The following ASIC2 variants were observed in gnomAD, a reference collection of about 807,000 sequenced individuals.
The protein encoded by ASIC2 is acid-sensing ion channel 2.
A neutral mutation model predicts 57.3 loss-of-function variants in ASIC2; 25 were observed. That is an observed-to-expected ratio of 0.44 (90% CI 0.32 to 0.61). ASIC2 has a LOEUF of 0.61. ASIC2 is among the 20% of genes least tolerant of loss of function. ASIC2 has a pLI of 0.06. For missense variants in ASIC2, 641 were observed against 738.1 expected, an observed-to-expected ratio of 0.87 and a Z score of 1.52; for synonymous variants, 319 against 307.5, an observed-to-expected ratio of 1.04 and a Z score of -0.39.
At chr17:33,021,090 T>C (rs950839152) in intron 7 of ASIC2, 129 bp downstream of exon 7, 1 of 632,288 alleles carries the variant, frequency 1.6e-6, no homozygotes, top group Non-Finnish European at 2.7e-6. Flanking sequence ...GAGTAATTAT[T>C]AGTAAATCAA....
chr17:34,140,815 A>T (rs1017209984), intron 1 of ASIC2, among the ~76,000 whole-genome samples: 1 of 152,234 alleles, frequency 6.6e-6, no homozygotes, highest in African/African-American at 2.4e-5. Flanking sequence ...TAATAAATGT[A>T]GAAAGGATGA....
At position 34,140,766 on chromosome 17, in the gene ASIC2, GAAAA is replaced by G. The variant is rs1029877664; in HGVS notation, c.555+15208_555+15211del. Among the ~76,000 whole-genome samples, 13 of 151,944 alleles carry G rather than the reference GAAAA, an allele frequency of 8.6e-5. 1 individual carries two copies. Among genetic ancestry groups the G allele is most frequent in the African/African-American group, 3.1e-4 (13 of 41,390 alleles). ...CTACACCAATGTAAATAAATAAAGA[GAAAA>G]AAGAGAAAGCTCTTCTGTATTTCAG... On this transcript the variant is annotated intron_variant, in intron 1 of 9. Coordinates refer to the ASIC2 transcript ENST00000359872.
upstream of ASIC2, among the ~76,000 whole-genome samples, chr17:33,296,558 T>TTA (rs1423315181): frequency 6.6e-6 from 1 of 152,182 alleles, no homozygotes; most frequent in Non-Finnish European, 1.5e-5. Flanking sequence ...TTTCCCTTGT[T>TTA]TATCTCTGAA....
At chr17:33,942,528 C>T (rs905227510) in intron 1 of ASIC2, among the ~76,000 whole-genome samples, 4 of 152,142 alleles carry the variant, frequency 2.6e-5, no homozygotes, top group African/African-American at 9.7e-5. Flanking sequence ...AGAAGCTGCC[C>T]TTTTTCTGGT....
rs1478171046 is a variant in ASIC2 at position 33,805,295 on chromosome 17, A to G, written c.555+350683T>C. 2.6e-5 allele frequency among the ~76,000 whole-genome samples: 4 copies of G among 152,102 alleles called. No homozygotes were observed. The East Asian group carries it at 7.7e-4, about 29-fold the overall frequency. ...TAGGTGAGTTCTGCCATGTCTGTTG[A>G]TTGACCCAGGTTCTCAGAATCTTAC... On this transcript the variant is annotated intron_variant, in intron 1 of 9. Transcript: ENST00000359872.
At chr17:33,955,550 A>G (rs1904708055) in intron 1 of ASIC2, 1 of 151,842 alleles carries the variant, frequency 6.6e-6, no homozygotes, top group African/African-American at 2.4e-5. Context: ...AGCTGAACTC[A>G]GTATGTTTTT....
intron 1 of ASIC2, among the ~76,000 whole-genome samples, chr17:33,480,659 A>G (rs779462368): frequency 6.6e-6 from 1 of 152,122 alleles, no homozygotes; most frequent in African/African-American, 2.4e-5. Context: ...CTTACTTTCT[A>G]TAAAGACCTG....
At chr17:34,000,827 C>T (rs1906315971) in intron 1 of ASIC2, 1 of 152,144 alleles carries the variant, frequency 6.6e-6, no homozygotes, top group Admixed American at 6.5e-5. Flanking sequence ...TTTGAACTCA[C>T]TAAATCTGCT....
intron 1 of ASIC2, among the ~76,000 whole-genome samples, chr17:34,064,929 T>TG (rs1044635501): frequency 3.0e-4 from 45 of 152,268 alleles, no homozygotes; most frequent in African/African-American, 1.0e-3. Context: ...ACATGGCTAG[T>TG]GGGAATGTAA....
chr17:33,768,021 T>G (rs547080034), intron 1 of ASIC2, among the ~76,000 whole-genome samples: 8 of 152,220 alleles, frequency 5.3e-5, no homozygotes, highest in Middle Eastern at 3.4e-3. Flanking sequence ...ATTTTTTTTT[T>G]TTTTTGAGAC....
chr17:33,059,413 G>T (rs930428460), intron 3 of ASIC2, among the ~76,000 whole-genome samples: 1 of 152,004 alleles, frequency 6.6e-6, no homozygotes, highest in Non-Finnish European at 1.5e-5. Flanking sequence ...GTGGTGTTTG[G>T]TTTTTTTGTC....
intron 1 of ASIC2, among the ~76,000 whole-genome samples, chr17:33,876,099 A>C (rs949569041): frequency 1.3e-5 from 2 of 152,350 alleles, no homozygotes; most frequent in African/African-American, 2.4e-5. Context: ...CTTTGGTTCA[A>C]GTTCCTGTGC....
chr17:33,282,492 T>A (rs1904997153), intron 1 of ASIC2, among the ~76,000 whole-genome samples: 1 of 152,054 alleles, frequency 6.6e-6, no homozygotes, highest in South Asian at 2.1e-4. Context: ...TGTGTGTGTG[T>A]GTGACAGATC....
intron 1 of ASIC2, among the ~76,000 whole-genome samples, chr17:33,659,871 C>CAAAT (rs145561483): frequency 0.049 from 6,516 of 133,234 alleles, 196 homozygotes; most frequent in Non-Finnish European, 0.054. Context: ...GACTCTGTCT[C>CAAAT]AAATAAATAA....
intron 1 of ASIC2, among the ~76,000 whole-genome samples, chr17:33,341,606 G>A (rs187430042): frequency 3.9e-5 from 6 of 152,278 alleles, no homozygotes; most frequent in East Asian, 3.9e-4. Flanking sequence ...TCAACCTCAG[G>A]TTTGGATTAT....
chr17:33,367,632 T>C (rs1908865354), intron 1 of ASIC2, among the ~76,000 whole-genome samples: 1 of 152,202 alleles, frequency 6.6e-6, no homozygotes, highest in South Asian at 2.1e-4. Flanking sequence ...AATTCTGTTG[T>C]GAGCAAAATC....
intron 9 of ASIC2, 129 bp downstream of exon 9, chr17:33,015,842 A>C: frequency 1.1e-6 from 1 of 934,374 alleles, no homozygotes; most frequent in Non-Finnish European, 1.6e-6. Flanking sequence ...GGGAACTGAC[A>C]GCATGTCCCA....
chr17:33,631,179 C>T (rs780569023), intron 1 of ASIC2, among the ~76,000 whole-genome samples: 26 of 152,164 alleles, frequency 1.7e-4, no homozygotes, highest in Non-Finnish European at 2.9e-4. Flanking sequence ...TCAAGCAATG[C>T]CAGCCCCTTG....
chr17:33,602,514 T>C (rs1391115217), intron 1 of ASIC2, among the ~76,000 whole-genome samples: 2 of 152,172 alleles, frequency 1.3e-5, no homozygotes, highest in Non-Finnish European at 2.9e-5. Context: ...TCTTGGACTT[T>C]CCAGCTTCTG....
Sources: gnomAD v4.1 joint callset for allele counts (sites outside exome capture counted in the v4.1 genomes callset) on GRCh38, gnomAD v4.1.1 for gene constraint, MANE v1.5 for transcripts, NCBI Gene and HGNC (gene_info 2026-07-23, HGNC 2026-07-21) for gene names.